Variants in OTUD7A observed in about 807,000 individuals in gnomAD.
OTUD7A encodes the protein OTU deubiquitinase 7A, also known as OTU domain-containing protein 7A.
Under a neutral mutation model 65.7 loss-of-function variants are expected in OTUD7A, and 12 were observed. The ratio of observed to expected loss-of-function variants is 0.18; its 90% CI spans 0.12 to 0.30. OTUD7A has a LOEUF of 0.30. Ranked by LOEUF, OTUD7A falls within the 10% of genes least tolerant of loss-of-function variation. OTUD7A has a pLI of 1.00. For synonymous variants in OTUD7A, 641 were observed against 586.3 expected, an observed-to-expected ratio of 1.09 and a Z score of -1.35; for missense variants, 1,148 against 1,304.8, an observed-to-expected ratio of 0.88 and a Z score of 1.85.
In OTUD7A at chr15:31,478,177, C is replaced by A. The variant is rs928464694; in HGVS notation, c.*5117G>T. The A allele has an allele frequency of 3.9e-5, 6 of 152,220 alleles. No individual in the cohort carries two copies. Among genetic ancestry groups the A allele is most frequent in the Non-Finnish European group, 4.4e-5 (3 of 68,044 alleles). 9.4% of individuals were successfully genotyped at this position (152,220 alleles called of 1,614,324 possible). ...CTGGCTTTTCCTCTGCCATGGGAGG[C>A]TGTTTCTTCGTTTAAAGGAGCACTC... On this transcript the variant is annotated 3_prime_UTR_variant, in exon 13 of 13. Coordinates refer to ENST00000307050, the MANE Select transcript of OTUD7A (RefSeq NM_001382637.1).
chr15:31,673,816 T>G (rs3874388), intron 1 of OTUD7A, among the ~76,000 whole-genome samples: 3 of 152,338 alleles, frequency 2.0e-5, no homozygotes, highest in African/African-American at 4.8e-5. Flanking sequence ...GTGACAAGTG[T>G]TGGGGCACAC....
At chr15:31,596,790 A>C (rs900684011) in intron 3 of OTUD7A, among the ~76,000 whole-genome samples, 1 of 151,488 alleles carries the variant, frequency 6.6e-6, no homozygotes, top group Non-Finnish European at 1.5e-5. Flanking sequence ...TTCTGTTTTT[A>C]AGTCTTTTGC....
chr15:31,870,042 C>A (rs1341004093), intron 1 of OTUD7A, among the ~76,000 whole-genome samples: 2 of 150,976 alleles, frequency 1.3e-5, no homozygotes, highest in Non-Finnish European at 3.0e-5. Context: ...GCCCGGCGAG[C>A]GGCCTCGCGC....
chr15:31,576,709 T>C (rs1006711960), intron 3 of OTUD7A, among the ~76,000 whole-genome samples: 7 of 152,178 alleles, frequency 4.6e-5, no homozygotes, highest in Non-Finnish European at 4.4e-5. Context: ...TCAAATGTCT[T>C]ACAGAGCTTG....
At chr15:31,820,020 G>C (rs1390061091) in intron 1 of OTUD7A, among the ~76,000 whole-genome samples, 2 of 152,106 alleles carry the variant, frequency 1.3e-5, no homozygotes, top group African/African-American at 2.4e-5. Context: ...CTGAGTGTCA[G>C]ATGCAAAGGC....
intron 3 of OTUD7A, among the ~76,000 whole-genome samples, chr15:31,641,314 CT>C (rs1363383162): frequency 1.3e-5 from 2 of 152,170 alleles, no homozygotes; most frequent in Non-Finnish European, 1.5e-5. Flanking sequence ...TCAACTAAGC[CT>C]CTTTCCTTTA....
At chr15:31,835,321 C>T (rs1205427300) in intron 1 of OTUD7A, among the ~76,000 whole-genome samples, 1 of 152,192 alleles carries the variant, frequency 6.6e-6, no homozygotes, top group Non-Finnish European at 1.5e-5. Context: ...ATATGTTAAA[C>T]CATTATTCAT....
intron 3 of OTUD7A, among the ~76,000 whole-genome samples, chr15:31,577,495 G>A (rs1022736933): frequency 3.9e-5 from 6 of 152,058 alleles, no homozygotes; most frequent in African/African-American, 4.8e-5. Context: ...TCTTTGAGAC[G>A]TCCCACCTTT....
At chr15:31,675,953 A>C (rs1174303877) in intron 1 of OTUD7A, among the ~76,000 whole-genome samples, 2 of 152,238 alleles carry the variant, frequency 1.3e-5, no homozygotes, top group African/African-American at 4.8e-5. Context: ...TTCCTCTCTA[A>C]TATGTATAAT....
chr15:31,668,708 G>C (rs141728867), intron 1 of OTUD7A, among the ~76,000 whole-genome samples: 138 of 152,218 alleles, frequency 9.1e-4, no homozygotes, highest in Admixed American at 1.6e-3. Context: ...TGATTTTTTG[G>C]GGGGTGTTAA....
intron 1 of OTUD7A, among the ~76,000 whole-genome samples, chr15:31,764,476 T>C (rs1279179481): frequency 6.6e-6 from 1 of 152,100 alleles, no homozygotes; most frequent in African/African-American, 2.4e-5. Flanking sequence ...TATGAAACAA[T>C]CTTGAAGTAA....
chr15:31,796,915 G>T (rs1037857359), intron 1 of OTUD7A, among the ~76,000 whole-genome samples: 2 of 152,134 alleles, frequency 1.3e-5, no homozygotes, highest in African/African-American at 4.8e-5. Flanking sequence ...TTATATTTTA[G>T]TAGAGACATG....
At chr15:31,564,125 T>A (rs1043023993) in intron 4 of OTUD7A, among the ~76,000 whole-genome samples, 1 of 152,054 alleles carries the variant, frequency 6.6e-6, no homozygotes, top group Non-Finnish European at 1.5e-5. Context: ...AAAATGTTAA[T>A]GGGACTAATA....
At chr15:31,508,889 T>C (rs1474040359) in intron 8 of OTUD7A, among the ~76,000 whole-genome samples, 1 of 152,280 alleles carries the variant, frequency 6.6e-6, no homozygotes, top group African/African-American at 2.4e-5. Flanking sequence ...TTTTGTGGCC[T>C]TCACCGCCCC....
At chr15:31,860,641 A>ATATATATATATATG (rs1897698885) in intron 1 of OTUD7A, among the ~76,000 whole-genome samples, 4 of 77,748 alleles carry the variant, frequency 5.1e-5, no homozygotes, top group African/African-American at 1.6e-4. Flanking sequence ...ATATATATAT[A>ATATATATATATATG]TATGTATGTA....
chr15:31,670,450 T>C (rs1464080123), intron 1 of OTUD7A, among the ~76,000 whole-genome samples: 1 of 152,166 alleles, frequency 6.6e-6, no homozygotes, highest in Non-Finnish European at 1.5e-5. Context: ...CTGTTGCTTC[T>C]TGGCTTTTTA....
rs185354714 is a variant in OTUD7A at position 31,611,102 on chromosome 15, C to T, written c.152-40905G>A. The stretch of plus-strand genomic sequence containing the variant: ...GATGGAAATTAAAAAATTCTTCAAG[C>T]TGAATGACAATAACGACACAACCTA... On this transcript the variant is annotated intron_variant, in intron 3 of 12. Coordinates refer to ENST00000307050, the MANE Select transcript of OTUD7A (RefSeq NM_001382637.1). Among the ~76,000 whole-genome samples the T allele has an allele frequency of 3.6e-3, 553 of 152,094 alleles. 2 individuals carry two copies. The highest frequency in any genetic ancestry group is 5.9e-3 in the Non-Finnish European group (400 of 67,992).
intron 12 of OTUD7A, among the ~76,000 whole-genome samples, chr15:31,485,406 TGAG>T (rs1225713391): frequency 6.6e-6 from 1 of 152,150 alleles, no homozygotes; most frequent in Non-Finnish European, 1.5e-5. Flanking sequence ...AATGCTAAAT[TGAG>T]GAGGATTCTG....
chr15:31,702,970 C>T (rs1415651366), intron 1 of OTUD7A, among the ~76,000 whole-genome samples: 1 of 151,422 alleles, frequency 6.6e-6, no homozygotes, highest in Admixed American at 6.6e-5. Flanking sequence ...AGCAACTTGA[C>T]AGAGGAAAGA....
Sources: allele counts gnomAD v4.1 joint callset (sites outside exome capture counted in the v4.1 genomes callset), GRCh38; gene constraint gnomAD v4.1.1; transcripts MANE v1.5; gene names NCBI Gene and HGNC (gene_info 2026-07-23, HGNC 2026-07-21).